TTC7A: variants seen among roughly 807,000 people sequenced by gnomAD.
TTC7A encodes tetratricopeptide repeat protein 7A.
Under a neutral mutation model 103.7 loss-of-function variants are expected in TTC7A, and 110 were observed. That is an observed-to-expected ratio of 1.06 (90% CI 0.91 to 1.24). The LOEUF (loss-of-function observed/expected upper bound fraction) is 1.24, where lower values mean the gene tolerates loss of function less well. Ranked by LOEUF, TTC7A falls within the 50% of genes most tolerant of loss-of-function variation. TTC7A has a pLI of 0.00. For missense variants in TTC7A, 1,340 were observed against 1,116.3 expected, an observed-to-expected ratio of 1.20 and a Z score of -2.86; for synonymous variants, 521 against 467.9, an observed-to-expected ratio of 1.11 and a Z score of -1.47.
rs574844453 is a variant in TTC7A at position 46,994,310 on chromosome 2, T to C, written c.844-47T>C. On this transcript the variant is annotated intron_variant, in intron 6 of 19. Coordinates refer to ENST00000319190, the MANE Select transcript of TTC7A (RefSeq NM_020458.4). ...GAGGGCGTTCTAGGTCATGCTGGGG[T>C]AGAGCTGACAACTGTGCCTGGGTCC... 13 of 1,581,958 alleles carry C rather than the reference T, an allele frequency of 8.2e-6. No individual in the cohort carries two copies. In the African/African-American group the frequency reaches 1.2e-4, roughly 15 times the overall value.
intron 5 of TTC7A, among the ~76,000 whole-genome samples, chr2:46,988,691 C>T (rs955434767): frequency 1.3e-5 from 2 of 152,214 alleles, no homozygotes; most frequent in African/African-American, 2.4e-5. Context: ...AGGCAGCTGG[C>T]ACTTTGTAAA....
chr2:47,055,328 C>A (rs562241380), intron 18 of TTC7A, among the ~76,000 whole-genome samples: 1 of 152,198 alleles, frequency 6.6e-6, no homozygotes, highest in South Asian at 2.1e-4. Context: ...TTCAAAGAGA[C>A]TGTCGTAGCC....
At chr2:46,996,280 C>G (rs546442486) in intron 8 of TTC7A, among the ~76,000 whole-genome samples, 1 of 152,282 alleles carries the variant, frequency 6.6e-6, no homozygotes, top group African/African-American at 2.4e-5. Context: ...AGGTCCAAGT[C>G]CTCCGACCAA....
intron 15 of TTC7A, among the ~76,000 whole-genome samples, 177 bp from the exon 16 acceptor site, chr2:47,046,136 CTG>C (rs967028523): frequency 4.6e-5 from 7 of 152,194 alleles, no homozygotes; most frequent in African/African-American, 1.7e-4. Flanking sequence ...TGGGGAGAAA[CTG>C]AGGCACACAG....
At chr2:47,023,277 T>A (rs1482970704) in intron 12 of TTC7A, 131 bp from the exon 13 acceptor site, 1 of 899,282 alleles carries the variant, frequency 1.1e-6, no homozygotes, top group African/African-American at 1.7e-5. Context: ...GCTGCTGGAG[T>A]TTGAAGTTTG....
intron 16 of TTC7A, chr2:47,047,464 C>T: frequency 1.6e-6 from 1 of 625,222 alleles, no homozygotes; most frequent in Non-Finnish European, 2.8e-6. Context: ...AGGGACTTTT[C>T]AGAATGAGAA....
intron 18 of TTC7A, among the ~76,000 whole-genome samples, chr2:47,052,507 G>A (rs1430024801): frequency 2.6e-5 from 4 of 152,208 alleles, no homozygotes; most frequent in Non-Finnish European, 4.4e-5. Context: ...CTTCCGTCTC[G>A]TCCATGGCAG....
At position 47,028,562 on chromosome 2, in the gene TTC7A, C is replaced by T. The variant is rs376886344; in HGVS notation, c.1642-662C>T. Among the ~76,000 whole-genome samples the T allele has an allele frequency of 1.8e-3, 271 of 152,280 alleles. 1 individual carries two copies. Among genetic ancestry groups the T allele is most frequent in the African/African-American group, 6.2e-3 (257 of 41,546 alleles). ...CAGTGAAAATTGGGACCCATGGTGA[C>T]CTCTGGTCTCCCCACCACATGGAAG... On this transcript the variant is annotated intron_variant, in intron 14 of 19. Coordinates refer to ENST00000319190, the MANE Select transcript of TTC7A (RefSeq NM_020458.4).
intron 14 of TTC7A, among the ~76,000 whole-genome samples, chr2:47,025,015 A>G (rs1211205071): frequency 1.3e-5 from 2 of 152,136 alleles, no homozygotes; most frequent in Non-Finnish European, 2.9e-5. Context: ...CACATCCTCC[A>G]AAACAGGACC....
chr2:47,072,704 C>A (rs976489843), intron 19 of TTC7A, among the ~76,000 whole-genome samples: 2 of 152,202 alleles, frequency 1.3e-5, no homozygotes, highest in African/African-American at 4.8e-5. Context: ...CGTCTTGGAA[C>A]AAGAGAAGGG....
intron 19 of TTC7A, among the ~76,000 whole-genome samples, chr2:47,062,153 T>C (rs1000506262): frequency 1.3e-5 from 2 of 152,194 alleles, no homozygotes; most frequent in African/African-American, 4.8e-5. Flanking sequence ...ACTCCTAGCA[T>C]AGTCTAGGCA....
At chr2:46,997,186 C>G (rs1378744196) in intron 8 of TTC7A, among the ~76,000 whole-genome samples, 1 of 152,074 alleles carries the variant, frequency 6.6e-6, no homozygotes, top group Non-Finnish European at 1.5e-5. Context: ...ACCATGTTGA[C>G]CAGGCCAGTC....
intron 2 of TTC7A, among the ~76,000 whole-genome samples, chr2:46,917,681 A>G (rs1306689042): frequency 6.6e-6 from 1 of 152,182 alleles, no homozygotes; most frequent in Non-Finnish European, 1.5e-5. Context: ...GATAATTCCC[A>G]TCAACATATA....
intron 13 of TTC7A, 36 bp from the exon 14 acceptor site, chr2:47,024,251 C>T (rs1679624670): frequency 6.4e-7 from 1 of 1,564,858 alleles, no homozygotes; most frequent in East Asian, 2.4e-5. Context: ...CACTCAACCC[C>T]TGGTGCCTGA....
intron 1 of TTC7A, among the ~76,000 whole-genome samples, chr2:46,949,542 G>A (rs779279630): frequency 6.6e-6 from 1 of 152,158 alleles, no homozygotes; most frequent in Non-Finnish European, 1.5e-5. Flanking sequence ...AAACCAAGCA[G>A]TATAAAACCA....
At position 47,029,228 on chromosome 2, in the gene TTC7A, C is replaced by T; in HGVS notation, c.1646C>T (p.Ser549Phe). Residue 549 changes from serine to phenylalanine, a missense_variant, in exon 15 of 20, where the codon TCC becomes TTC. Coordinates refer to ENST00000319190, the MANE Select transcript of TTC7A (RefSeq NM_020458.4). ...CCTGGCGGGTTCCTTCAACAGATCT[C>T]CAGTGCCATGGAGCAGCTGCAGGAG... Reference protein sequence around the residue: ...SLQLALVRQISSAMEQLQEAL... With the variant: ...SLQLALVRQIFSAMEQLQEAL... 2 of 1,613,728 alleles carry T rather than the reference C, an allele frequency of 1.2e-6. No individual in the cohort carries two copies. The highest frequency in any genetic ancestry group is 1.7e-6 in the Non-Finnish European group (2 of 1,179,988).
At chr2:46,984,550 C>T (rs953305738) in intron 5 of TTC7A, among the ~76,000 whole-genome samples, 14 of 152,206 alleles carry the variant, frequency 9.2e-5, no homozygotes, top group South Asian at 2.1e-4. Context: ...GAGAGCCCCC[C>T]GACAGCCACC....
At chr2:46,967,298 T>C (rs752580577) in intron 3 of TTC7A, among the ~76,000 whole-genome samples, 16 of 152,240 alleles carry the variant, frequency 1.1e-4, no homozygotes, top group Non-Finnish European at 1.6e-4. Context: ...AAGACACTGT[T>C]GTGCAACCAA....
intron 16 of TTC7A, chr2:47,047,225 CTCAGGGGACCCCAGTCTGGTGTATA>C (rs1253501810): frequency 7.9e-6 from 10 of 1,273,344 alleles, no homozygotes; most frequent in Non-Finnish European, 1.1e-5. Context: ...TCCCTGAGGC[CTCAGGGGACCCCAGTCTGGTGTATA>C]TTTGTGTTTT....
Sources: allele counts gnomAD v4.1 joint callset (sites outside exome capture counted in the v4.1 genomes callset), GRCh38; gene constraint gnomAD v4.1.1; transcripts MANE v1.5; gene names NCBI Gene and HGNC (gene_info 2026-07-23, HGNC 2026-07-21).